PHKA1: variants seen among roughly 807,000 people sequenced by gnomAD.
PHKA1 encodes the protein phosphorylase b kinase regulatory subunit alpha, skeletal muscle isoform.
In PHKA1, 60 loss-of-function variants were observed where a neutral mutation model predicts 110.2. The observed-to-expected ratio is 0.54, with a 90% CI of 0.44 to 0.68. The LOEUF (loss-of-function observed/expected upper bound fraction) is 0.68. PHKA1 is among the 30% of genes least tolerant of loss of function. The pLI is 0.00. For missense variants in PHKA1, 801 were observed against 942.5 expected (o/e 0.85, Z 1.97); for synonymous variants, 316 against 333.6 (o/e 0.95, Z 0.58).
intron 4 of PHKA1, among the ~76,000 whole-genome samples, chrX:72,686,242 A>G (rs1342295002): frequency 9.0e-6 from 1 of 111,641 alleles, no homozygotes; most frequent in Non-Finnish European, 1.9e-5. Context: ...AAAAAATCAA[A>G]CTGTGCCGAA....
At chrX:72,628,598 T>A (rs6626018) in intron 16 of PHKA1, among the ~76,000 whole-genome samples, 5,091 of 73,652 alleles carry the variant, frequency 0.069, 227 homozygotes, top group Admixed American at 0.28. Flanking sequence ...ATATATATAT[T>A]TTTTTTTTTC....
intron 2 of PHKA1, among the ~76,000 whole-genome samples, chrX:72,706,447 A>G (rs1288773945): frequency 8.9e-6 from 1 of 111,812 alleles, no homozygotes; most frequent in Non-Finnish European, 1.9e-5. Flanking sequence ...TCTTTAATAT[A>G]CCTGTTATGG....
intron 3 of PHKA1, 71 bp downstream of exon 3, chrX:72,705,127 C>T: frequency 1.2e-6 from 1 of 823,180 alleles, no homozygotes. Context: ...AAGCTATAAA[C>T]ATTCCCTAAA....
rs1290006187 is a variant in PHKA1, at chrX:72,709,996, C to T, written c.237+2783G>A. Among the ~76,000 whole-genome samples the T allele has an allele frequency of 7.1e-5, 7 of 98,953 alleles. No individual in the cohort carries two copies. In the Admixed American group the frequency reaches 8.2e-4, roughly 12 times the overall value. 85.9% of individuals were successfully genotyped at this position (98,953 alleles called of 115,157 possible). A position where few individuals can be genotyped will look rare whatever the true frequency, so the allele number is the denominator to read the frequency against. ...GATGGAGATCGCAGTGAGCCGAGAT[C>T]GCACCGCCGCACTCCAACCTGGGCA... On this transcript the variant is annotated intron_variant, in intron 2 of 31. Transcript: ENST00000373542.
At chrX:72,636,911 AG>A (rs1206137495) in intron 14 of PHKA1, among the ~76,000 whole-genome samples, 1 of 111,371 alleles carries the variant, frequency 9.0e-6, no homozygotes, top group Non-Finnish European at 1.9e-5. Context: ...CTTTACTCTT[AG>A]GGGGCTAGCA....
At chrX:72,711,023 G>A (rs1427872630) in intron 2 of PHKA1, among the ~76,000 whole-genome samples, 2 of 105,676 alleles carry the variant, frequency 1.9e-5, no homozygotes, top group African/African-American at 3.4e-5. Flanking sequence ...TACCACGCCC[G>A]GCTAATTTTT....
At chrX:72,619,072 GA>G in intron 20 of PHKA1, 141 bp downstream of exon 20, 1 of 549,182 alleles carries the variant, frequency 1.8e-6, no homozygotes, top group South Asian at 2.7e-5. Context: ...AAAGTGAACT[GA>G]AAAGAACATG....
chrX:72,708,994 A>G (rs1335155298), intron 2 of PHKA1, among the ~76,000 whole-genome samples: 1 of 111,446 alleles, frequency 9.0e-6, no homozygotes, highest in East Asian at 2.8e-4. Flanking sequence ...ATGAGTTTCC[A>G]TTGTTTTGTA....
At chrX:72,635,029 G>T in intron 16 of PHKA1, 126 bp downstream of exon 16, 1 of 857,232 alleles carries the variant, frequency 1.2e-6, no homozygotes, top group Non-Finnish European at 1.7e-6. Flanking sequence ...TAAAATAGGA[G>T]CCAATAAATA....
intron 6 of PHKA1, among the ~76,000 whole-genome samples, chrX:72,669,191 C>T (rs961114767): frequency 3.6e-5 from 4 of 110,662 alleles, no homozygotes; most frequent in African/African-American, 1.3e-4. Flanking sequence ...CCAGTGACTC[C>T]ACAGTTCTGG....
At position 72,660,660 on chromosome X, in the gene PHKA1, A is replaced by G. The variant is rs1234503649; in HGVS notation, c.865-3019T>C. 1.2e-5 allele frequency: 4 copies of G among 337,862 alleles called. No individual in the cohort carries two copies. The East Asian group carries it at 2.1e-4, about 18-fold the overall frequency. The allele number at this position is 337,862 out of a possible 1,213,427, so 27.8% of individuals were successfully genotyped here. A position where few individuals can be genotyped will look rare whatever the true frequency, so the allele number is the denominator to read the frequency against. ...ACTCATTGCAGCAGCCTTCCTCATT[A>G]TGAGAAATTAAATAAATTTCTGAAT... On this transcript the variant is annotated intron_variant, in intron 8 of 31. Transcript: ENST00000373542.
At chrX:72,669,446 T>C (rs2053653658) in intron 6 of PHKA1, among the ~76,000 whole-genome samples, 1 of 109,238 alleles carries the variant, frequency 9.2e-6, no homozygotes, top group African/African-American at 3.3e-5. Context: ...TAGTTACATA[T>C]GTATACATGT....
intron 3 of PHKA1, among the ~76,000 whole-genome samples, chrX:72,703,626 G>GGC (rs2054236580): frequency 8.9e-6 from 1 of 111,753 alleles, no homozygotes; most frequent in Admixed American, 9.5e-5. Context: ...GCTGCAGTGA[G>GGC]TGAGCTATGA....
intron 8 of PHKA1, among the ~76,000 whole-genome samples, chrX:72,663,076 T>C (rs1556304949): frequency 9.0e-6 from 1 of 110,781 alleles, no homozygotes; most frequent in South Asian, 3.8e-4. Flanking sequence ...TATGAAATGT[T>C]ATAAAAGAAA....
intron 9 of PHKA1, among the ~76,000 whole-genome samples, chrX:72,656,621 AG>A (rs2053500246): frequency 1.8e-5 from 2 of 112,546 alleles, no homozygotes; most frequent in Non-Finnish European, 3.7e-5. Flanking sequence ...GTTACAGATG[AG>A]CTTTGTGAAA....
rs781832112 is a variant in PHKA1 at position 72,630,298 on chromosome X, A to G, written c.1715-3249T>C. Among the ~76,000 whole-genome samples the G allele has an allele frequency of 4.9e-3, 475 of 97,051 alleles. 3 individuals are homozygous for G. Among genetic ancestry groups the G allele is most frequent in the Non-Finnish European group, 7.1e-3 (356 of 50,324 alleles). 84.3% of individuals were successfully genotyped at this position (97,051 alleles called of 115,157 possible). On this transcript the variant is annotated intron_variant, in intron 16 of 31. Coordinates refer to ENST00000373542, the MANE Select transcript of PHKA1 (RefSeq NM_002637.4). ...AAAAGAAAAAGAGCGGGGGTGGGGG[A>G]GAGAGAGAGAGAGAGAGAGAGAGAA...
Position 72,705,231 on chromosome X carries a change from C to A in PHKA1, c.252G>T (p.Leu84=). 1 of 1,191,956 alleles carries A rather than the reference C, an allele frequency of 8.4e-7. No individual in the cohort carries two copies. The highest frequency in any genetic ancestry group is 1.8e-5 in the South Asian group (1 of 56,456). The change falls in exon 3 of 32, where the codon CTG becomes CTT. Residue 84 remains leucine (L), a synonymous_variant. Transcript: ENST00000373542. ...TCATGCAGTGCAGTAGTCCTCTCAT[C>A]AGCTTCACTACACTCTGCAGAAATA... ...AYELEQSVVK[L]MRGLLHCMIR...
At chrX:72,607,781 A>G (rs2052751598) in intron 23 of PHKA1, among the ~76,000 whole-genome samples, 1 of 111,596 alleles carries the variant, frequency 9.0e-6, no homozygotes, top group East Asian at 2.8e-4. Context: ...AACTGCTCTC[A>G]ATTGGTCGTT....
At chrX:72,611,891 T>C (rs1273718470) in intron 21 of PHKA1, among the ~76,000 whole-genome samples, 1 of 111,890 alleles carries the variant, frequency 8.9e-6, no homozygotes, top group Non-Finnish European at 1.9e-5. Flanking sequence ...TATATATCAG[T>C]ATTGAAAATA....
Sources: allele counts gnomAD v4.1 joint callset (sites outside exome capture counted in the v4.1 genomes callset), GRCh38; gene constraint gnomAD v4.1.1; transcripts MANE v1.5; gene names NCBI Gene and HGNC (gene_info 2026-07-23, HGNC 2026-07-21).